The following DYNC1I1 variants were observed in gnomAD, a reference collection of about 807,000 sequenced individuals.
DYNC1I1 encodes the protein dynein cytoplasmic 1 intermediate chain 1.
DYNC1I1 carries 43 observed loss-of-function variants against 86.6 expected under a neutral mutation model. The ratio of observed to expected loss-of-function variants is 0.50; its 90% CI spans 0.39 to 0.64. DYNC1I1 has a LOEUF of 0.64. Ranked by LOEUF, DYNC1I1 falls within the 30% of genes least tolerant of loss-of-function variation. DYNC1I1 has a pLI of 0.00. For missense variants in DYNC1I1, 604 were observed against 788.8 expected, an observed-to-expected ratio of 0.77 and a Z score of 2.81; for synonymous variants, 262 against 283.7, an observed-to-expected ratio of 0.92 and a Z score of 0.77.
intron 6 of DYNC1I1, among the ~76,000 whole-genome samples, chr7:95,948,835 T>C (rs1013264770): frequency 5.3e-5 from 8 of 152,200 alleles, no homozygotes; most frequent in African/African-American, 1.9e-4. Context: ...GGGGAAATTT[T>C]GTGAGAAGTA....
chr7:96,045,868 G>T (rs73708453), intron 14 of DYNC1I1, among the ~76,000 whole-genome samples: 7 of 152,160 alleles, frequency 4.6e-5, no homozygotes, highest in Non-Finnish European at 8.8e-5. Context: ...TCTAGAAAAT[G>T]CTCTGAGACC....
intron 6 of DYNC1I1, among the ~76,000 whole-genome samples, chr7:95,939,814 T>A (rs1278656411): frequency 1.3e-5 from 2 of 152,196 alleles, no homozygotes; most frequent in Admixed American, 1.3e-4. Context: ...GTTAATATTG[T>A]TATGTGTGAA....
chr7:96,094,929 A>G (rs1023300110), intron 16 of DYNC1I1, among the ~76,000 whole-genome samples: 1 of 152,240 alleles, frequency 6.6e-6, no homozygotes, highest in African/African-American at 2.4e-5. Context: ...CAAAACAAAT[A>G]TCCCTAAAAA....
At chr7:96,085,862 A>G (rs1481406747) in intron 16 of DYNC1I1, among the ~76,000 whole-genome samples, 1 of 152,244 alleles carries the variant, frequency 6.6e-6, no homozygotes, top group Non-Finnish European at 1.5e-5. Flanking sequence ...ATTCAATTAA[A>G]TGAAACATGG....
intron 5 of DYNC1I1, 115 bp from the exon 6 acceptor site, chr7:95,869,768 C>T: frequency 9.6e-7 from 1 of 1,040,308 alleles, no homozygotes; most frequent in African/African-American, 1.6e-5. Context: ...GCCCCTTGCA[C>T]TCAGAAGCTG....
chr7:95,885,082 C>T (rs752472940), intron 6 of DYNC1I1, among the ~76,000 whole-genome samples: 1 of 152,176 alleles, frequency 6.6e-6, no homozygotes, highest in Non-Finnish European at 1.5e-5. Context: ...TCAAAATTAA[C>T]AAATATCTTT....
intron 10 of DYNC1I1, among the ~76,000 whole-genome samples, chr7:96,012,324 C>A (rs1250448642): frequency 6.6e-6 from 1 of 152,144 alleles, no homozygotes; most frequent in African/African-American, 2.4e-5. Context: ...CTCTGTGCGT[C>A]TCTGCTTCTG....
intron 6 of DYNC1I1, among the ~76,000 whole-genome samples, chr7:95,895,439 C>T (rs965663828): frequency 2.6e-5 from 4 of 152,122 alleles, no homozygotes; most frequent in Non-Finnish European, 5.9e-5. Context: ...GGATCAGCTT[C>T]GACGATTGCT....
At chr7:95,798,987 G>A (rs1794513031) in intron 1 of DYNC1I1, among the ~76,000 whole-genome samples, 1 of 152,238 alleles carries the variant, frequency 6.6e-6, no homozygotes, top group African/African-American at 2.4e-5. Flanking sequence ...CAAGGCAAGA[G>A]AAGATGTGAA....
chr7:96,082,756 A>G (rs1790562424), intron 16 of DYNC1I1, among the ~76,000 whole-genome samples: 1 of 152,210 alleles, frequency 6.6e-6, no homozygotes, highest in Non-Finnish European at 1.5e-5. Context: ...AATTACTTGA[A>G]TATGACATAT....
At chr7:95,957,951 C>T (rs1792763095) in intron 6 of DYNC1I1, among the ~76,000 whole-genome samples, 1 of 152,174 alleles carries the variant, frequency 6.6e-6, no homozygotes, top group Admixed American at 6.5e-5. Flanking sequence ...AGGTGTATGT[C>T]TTCAGTGAGT....
At chr7:95,943,649 C>T (rs1258383378) in intron 6 of DYNC1I1, among the ~76,000 whole-genome samples, 12 of 146,970 alleles carry the variant, frequency 8.2e-5, no homozygotes, top group Admixed American at 4.2e-4. Flanking sequence ...GTAACCAAAA[C>T]AGCATGGTAC....
At chr7:95,782,176 G>A (rs1305806845) in intron 1 of DYNC1I1, among the ~76,000 whole-genome samples, 2 of 152,148 alleles carry the variant, frequency 1.3e-5, no homozygotes, top group African/African-American at 4.8e-5. Context: ...CTCTACTCAT[G>A]TTTCATGAGC....
At chr7:95,885,355 T>G (rs1425409362) in intron 6 of DYNC1I1, among the ~76,000 whole-genome samples, 2 of 151,802 alleles carry the variant, frequency 1.3e-5, no homozygotes, top group Non-Finnish European at 2.9e-5. Flanking sequence ...GTTTGTATTT[T>G]TAGCAGAGAT....
intron 4 of DYNC1I1, among the ~76,000 whole-genome samples, chr7:95,816,074 G>A (rs923168438): frequency 6.6e-6 from 1 of 151,148 alleles, no homozygotes; most frequent in African/African-American, 2.4e-5. Flanking sequence ...CTGGAGTACA[G>A]TGGTGCAATT....
downstream of DYNC1I1, among the ~76,000 whole-genome samples, chr7:96,103,423 C>T (rs1481165540): frequency 1.3e-5 from 2 of 152,196 alleles, no homozygotes; most frequent in Non-Finnish European, 2.9e-5. Context: ...TCATCTCTGT[C>T]ATGATTCTGG....
chr7:95,800,911 T>C (rs962785565), intron 1 of DYNC1I1, among the ~76,000 whole-genome samples: 5 of 152,262 alleles, frequency 3.3e-5, no homozygotes, highest in African/African-American at 1.2e-4. Flanking sequence ...CTTTCTTTGA[T>C]GTGCAGGGAG....
At chr7:96,042,084 A>T (rs1174185485) in intron 14 of DYNC1I1, among the ~76,000 whole-genome samples, 1 of 152,162 alleles carries the variant, frequency 6.6e-6, no homozygotes, top group Admixed American at 6.5e-5. Flanking sequence ...GGATTTTTTT[A>T]AACTACCAAA....
chr7:95,830,374 T>C (rs1338598466), intron 5 of DYNC1I1, among the ~76,000 whole-genome samples: 1 of 152,166 alleles, frequency 6.6e-6, no homozygotes, highest in Non-Finnish European at 1.5e-5. Context: ...TGCTTCTTCC[T>C]GTTCTTCCCT....
Sources: gnomAD v4.1 joint callset for allele counts (sites outside exome capture counted in the v4.1 genomes callset) on GRCh38, gnomAD v4.1.1 for gene constraint, MANE v1.5 for transcripts, NCBI Gene and HGNC (gene_info 2026-07-23, HGNC 2026-07-21) for gene names.